Variants in SUGCT observed in about 807,000 individuals in gnomAD.
The protein encoded by SUGCT is succinyl-CoA:glutarate-CoA transferase.
Under a neutral mutation model 55.0 loss-of-function variants are expected in SUGCT, and 41 were observed. That is an observed-to-expected ratio of 0.74 (90% CI 0.58 to 0.97). SUGCT has a LOEUF of 0.97. Among genes scored for constraint, SUGCT ranks in the 50% least tolerant of loss-of-function variants. The pLI is 0.00. For missense variants in SUGCT, 568 were observed against 547.8 expected, an observed-to-expected ratio of 1.04 and a Z score of -0.37; for synonymous variants, 187 against 200.4, an observed-to-expected ratio of 0.93 and a Z score of 0.56.
intron 11 of SUGCT, among the ~76,000 whole-genome samples, chr7:40,464,457 CAG>C (rs1205957782): frequency 6.6e-6 from 1 of 151,850 alleles, no homozygotes; most frequent in East Asian, 1.9e-4. Context: ...GAGGGACAAA[CAG>C]AATTAGGCAG....
At chr7:40,152,033 G>A (rs982919551) in intron 1 of SUGCT, among the ~76,000 whole-genome samples, 2 of 152,146 alleles carry the variant, frequency 1.3e-5, no homozygotes, top group Non-Finnish European at 2.9e-5. Context: ...GCACCAGCTG[G>A]TGCATCAGAA....
intron 12 of SUGCT, among the ~76,000 whole-genome samples, chr7:40,639,182 A>G (rs1269220128): frequency 6.6e-6 from 1 of 152,142 alleles, no homozygotes; most frequent in Non-Finnish European, 1.5e-5. Flanking sequence ...TTATAGCCCA[A>G]ATTTTACTTA....
At chr7:40,830,611 G>A (rs183741175) in intron 13 of SUGCT, among the ~76,000 whole-genome samples, 7 of 152,206 alleles carry the variant, frequency 4.6e-5, no homozygotes, top group Non-Finnish European at 8.8e-5. Context: ...AACAGAACAG[G>A]CCTGCCTTGA....
downstream of SUGCT, among the ~76,000 whole-genome samples, chr7:40,862,688 A>G (rs1345084578): frequency 1.3e-5 from 2 of 151,140 alleles, no homozygotes; most frequent in African/African-American, 4.9e-5. Flanking sequence ...TAATCGTTAC[A>G]GAATTGGAAG....
chr7:40,669,056 G>A (rs1373774532), intron 12 of SUGCT, among the ~76,000 whole-genome samples: 1 of 152,082 alleles, frequency 6.6e-6, no homozygotes, highest in Non-Finnish European at 1.5e-5. Context: ...CCCCTTCTGT[G>A]ATGTCGGTGC....
intron 12 of SUGCT, among the ~76,000 whole-genome samples, chr7:40,741,622 A>G (rs1787466150): frequency 6.6e-6 from 1 of 152,226 alleles, no homozygotes; most frequent in Admixed American, 6.5e-5. Context: ...ACCCTAGAAA[A>G]ATTGTTGCAT....
At position 40,286,411 on chromosome 7, in the gene SUGCT, A is replaced by G. The variant is rs78160472; in HGVS notation, c.720+11755A>G. On this transcript the variant is annotated intron_variant, in intron 8 of 13. Coordinates refer to ENST00000335693, the MANE Select transcript of SUGCT (RefSeq NM_001193313.2). The stretch of plus-strand genomic sequence containing the variant: ...TTTTTTTAAGTTTCATTAGGCCCAC[A>G]TGGATAATCCAGGATAATCTCCCAT... Among the ~76,000 whole-genome samples, 548 of 152,226 alleles carry G rather than the reference A, an allele frequency of 3.6e-3. 2 individuals carry two copies. The highest frequency in any genetic ancestry group is 0.012 in the African/African-American group (492 of 41,526).
chr7:40,496,425 C>A, intron 12 of SUGCT, 39 bp downstream of exon 12: 2 of 1,370,900 alleles, frequency 1.5e-6, no homozygotes, highest in Non-Finnish European at 2.1e-6. Flanking sequence ...TGTTTTCTGT[C>A]CAGATTGACT....
chr7:40,899,855 C>T, the SUGCT span, among the ~76,000 whole-genome samples: 2 of 152,254 alleles, frequency 1.3e-5, no homozygotes, highest in East Asian at 1.9e-4. Context: ...CACTCCTTCC[C>T]GAGCGTATGG....
chr7:40,633,005 A>G (rs1799859041), intron 12 of SUGCT, among the ~76,000 whole-genome samples: 1 of 152,226 alleles, frequency 6.6e-6, no homozygotes, highest in South Asian at 2.1e-4. Context: ...TTCATTATAC[A>G]CATATTTATG....
Position 40,180,977 on chromosome 7 carries a change from T to C in SUGCT, c.131T>C (p.Val44Ala), listed in dbSNP as rs1240077592. The C allele has an allele frequency of 1.2e-6, 2 of 1,610,634 alleles. No individual in the cohort carries two copies. Among genetic ancestry groups the C allele is most frequent in the Non-Finnish European group, 1.7e-6 (2 of 1,177,320 alleles). The change falls in exon 2 of 14, where the codon GTA (valine) becomes GCA (alanine). Residue 44 changes from valine to alanine, a missense_variant. Physicochemically the swap from Val to Ala is moderately conservative, Grantham distance 64. Transcript: ENST00000335693. ...AACAATATAAAGCCATTGGAAGGGG[T>C]AAAAATTCTGGATCTAACAAGGTTT... ...DMNNIKPLEG[V>A]KILDLTRVLA... is the part of the protein sequence containing the mutation.
the SUGCT span, among the ~76,000 whole-genome samples, chr7:40,951,924 A>G: frequency 2.0e-5 from 3 of 152,178 alleles, no homozygotes; most frequent in Non-Finnish European, 2.9e-5. Flanking sequence ...AAGAATGTAT[A>G]TTCTATTGAT....
chr7:40,327,688 T>C (rs1248932242), intron 9 of SUGCT, among the ~76,000 whole-genome samples: 1 of 152,218 alleles, frequency 6.6e-6, no homozygotes, highest in African/African-American at 2.4e-5. Flanking sequence ...TCTTAATATA[T>C]GTGCAGAACT....
intron 13 of SUGCT, among the ~76,000 whole-genome samples, chr7:40,809,386 G>A (rs565189769): frequency 6.6e-6 from 1 of 152,152 alleles, no homozygotes; most frequent in East Asian, 1.9e-4. Flanking sequence ...ATGGGCAATG[G>A]TAACACTATA....
chr7:40,629,734 C>T (rs983294866), intron 12 of SUGCT, among the ~76,000 whole-genome samples: 1 of 152,078 alleles, frequency 6.6e-6, no homozygotes, highest in African/African-American at 2.4e-5. Flanking sequence ...TTAAGAAATA[C>T]CAGTTTTTAA....
chr7:40,665,928 G>T (rs1801604550), intron 12 of SUGCT, among the ~76,000 whole-genome samples: 1 of 152,002 alleles, frequency 6.6e-6, no homozygotes, highest in Non-Finnish European at 1.5e-5. Context: ...TATATATAAT[G>T]GTATATACTT....
At chr7:40,372,791 A>C (rs755052652) in intron 9 of SUGCT, among the ~76,000 whole-genome samples, 3 of 152,092 alleles carry the variant, frequency 2.0e-5, no homozygotes, top group Non-Finnish European at 4.4e-5. Flanking sequence ...CTAACAAGCA[A>C]AGGTAATTTT....
intron 12 of SUGCT, among the ~76,000 whole-genome samples, chr7:40,595,863 A>G (rs1007675489): frequency 6.6e-6 from 1 of 152,174 alleles, no homozygotes; most frequent in African/African-American, 2.4e-5. Flanking sequence ...CTATGATCTT[A>G]AGTTTAGTAG....
chr7:40,249,313 C>CTATCTATCTATATATATCTATATATA (rs1324264789), intron 7 of SUGCT, among the ~76,000 whole-genome samples: 5 of 79,504 alleles, frequency 6.3e-5, no homozygotes, highest in African/African-American at 2.7e-4. Flanking sequence ...CACCAAAAAG[C>CTATCTATCTATATATATCTATATATA]TATATATATA....
Sources: allele counts gnomAD v4.1 joint callset (sites outside exome capture counted in the v4.1 genomes callset), GRCh38; gene constraint gnomAD v4.1.1; transcripts MANE v1.5; gene names NCBI Gene and HGNC (gene_info 2026-07-23, HGNC 2026-07-21).